HS6ST3: variants seen among roughly 807,000 people sequenced by gnomAD.
The protein encoded by HS6ST3 is heparan sulfate 6-O-sulfotransferase 3, also known as heparan-sulfate 6-O-sulfotransferase 3.
HS6ST3 carries 12 observed loss-of-function variants against 36.7 expected under a neutral mutation model. That is an observed-to-expected ratio of 0.33 (90% confidence interval 0.21 to 0.53). The LOEUF is 0.53. Ranked by LOEUF, HS6ST3 falls within the 20% of genes least tolerant of loss-of-function variation. The pLI, the probability that HS6ST3 is intolerant of heterozygous loss-of-function variation, is 0.95. For synonymous variants in HS6ST3, 240 were observed against 257.5 expected (o/e 0.93, Z 0.65); for missense variants, 584 against 640.9 (o/e 0.91, Z 0.96).
At chr13:96,203,632 C>T (rs1477361393) in intron 1 of HS6ST3, among the ~76,000 whole-genome samples, 1 of 152,216 alleles carries the variant, frequency 6.6e-6, no homozygotes, top group Non-Finnish European at 1.5e-5. Context: ...TACTTGGACT[C>T]CTTTCTGTGA....
chr13:96,333,122 G>A (rs569056767), intron 1 of HS6ST3, among the ~76,000 whole-genome samples: 33 of 152,304 alleles, frequency 2.2e-4, no homozygotes, highest in African/African-American at 7.0e-4. Flanking sequence ...ATAGCAGTGC[G>A]AATGGACCAA....
chr13:96,374,201 AT>A (rs529507335), intron 1 of HS6ST3, among the ~76,000 whole-genome samples: 1 of 152,202 alleles, frequency 6.6e-6, no homozygotes, highest in East Asian at 1.9e-4. Context: ...TTTTGTTTTT[AT>A]TGATTTATCA....
At chr13:96,631,917 G>A (rs1392831583) in intron 1 of HS6ST3, among the ~76,000 whole-genome samples, 1 of 152,178 alleles carries the variant, frequency 6.6e-6, no homozygotes, top group Non-Finnish European at 1.5e-5. Context: ...TGTCAAGCCT[G>A]ATGCAGATGT....
At chr13:96,410,611 A>T (rs2055502748) in intron 1 of HS6ST3, among the ~76,000 whole-genome samples, 1 of 152,210 alleles carries the variant, frequency 6.6e-6, no homozygotes, top group Admixed American at 6.5e-5. Flanking sequence ...TAGTATAAAA[A>T]TATGGTTTGT....
chr13:96,518,133 G>T (rs1375812157), intron 1 of HS6ST3, among the ~76,000 whole-genome samples: 1 of 152,100 alleles, frequency 6.6e-6, no homozygotes, highest in Non-Finnish European at 1.5e-5. Context: ...TTTCTTAAAG[G>T]CACTCTTTTC....
At chr13:96,150,048 T>C (rs1361829823) in intron 1 of HS6ST3, among the ~76,000 whole-genome samples, 1 of 152,158 alleles carries the variant, frequency 6.6e-6, no homozygotes, top group Non-Finnish European at 1.5e-5. Context: ...ATGCCTGTTT[T>C]GTTCCTGCCA....
intron 1 of HS6ST3, among the ~76,000 whole-genome samples, chr13:96,305,947 C>G (rs2054910762): frequency 7.0e-6 from 1 of 143,400 alleles, no homozygotes; most frequent in African/African-American, 2.6e-5. Context: ...TTTTTTTAGA[C>G]AGGATCTCAC....
chr13:96,728,031 CT>C (rs773964437), intron 1 of HS6ST3, among the ~76,000 whole-genome samples: 11 of 152,244 alleles, frequency 7.2e-5, no homozygotes, highest in Non-Finnish European at 1.3e-4. Context: ...TCTCTCTTTT[CT>C]TATCTATCTA....
At chr13:96,663,296 C>G (rs114598625) in intron 1 of HS6ST3, among the ~76,000 whole-genome samples, 272 of 152,278 alleles carry the variant, frequency 1.8e-3, no homozygotes, top group African/African-American at 6.4e-3. Flanking sequence ...CCACAATGTA[C>G]CTGAGAGCTG....
At chr13:96,117,618 GGAAATGCTGCA>G (rs1754564989) in intron 1 of HS6ST3, among the ~76,000 whole-genome samples, 1 of 152,166 alleles carries the variant, frequency 6.6e-6, no homozygotes, top group African/African-American at 2.4e-5. Context: ...TGCAGCACAT[GGAAATGCTGCA>G]GAAATGCCAA....
chr13:96,822,204 A>G (rs1487078484), intron 1 of HS6ST3, among the ~76,000 whole-genome samples: 1 of 152,194 alleles, frequency 6.6e-6, no homozygotes, highest in Non-Finnish European at 1.5e-5. Context: ...TCTCACTCCA[A>G]GGCGGCTCCA....
chr13:96,129,229 C>G (rs1000589034), intron 1 of HS6ST3, among the ~76,000 whole-genome samples: 1 of 152,182 alleles, frequency 6.6e-6, no homozygotes, highest in Non-Finnish European at 1.5e-5. Flanking sequence ...GTTTCTTAAA[C>G]ATGAAAATGT....
At chr13:96,267,851 T>G (rs561644618) in intron 1 of HS6ST3, among the ~76,000 whole-genome samples, 1 of 151,862 alleles carries the variant, frequency 6.6e-6, no homozygotes, top group Non-Finnish European at 1.5e-5. Flanking sequence ...TTGGTTACCA[T>G]TGGGCTTATC....
In HS6ST3 at chr13:96,448,037, A is replaced by G. The variant is rs557679886; in HGVS notation, c.707+356468A>G. Among the ~76,000 whole-genome samples the G allele has an allele frequency of 2.0e-5, 3 of 152,260 alleles. No individual in the cohort carries two copies. The East Asian group carries it at 5.8e-4, about 29-fold the overall frequency. On this transcript the variant is annotated intron_variant, in intron 1 of 1. Coordinates refer to ENST00000376705, the MANE Select transcript of HS6ST3 (RefSeq NM_153456.4). ...ATGGTGCTCTTCTTCCTAATCATAG[A>G]GCCAACTTTTATCATCATGGAGGCT...
At chr13:96,119,121 A>C (rs1273320758) in intron 1 of HS6ST3, among the ~76,000 whole-genome samples, 5 of 152,218 alleles carry the variant, frequency 3.3e-5, no homozygotes, top group Admixed American at 2.0e-4. Flanking sequence ...AAGCCTAACA[A>C]ATCAACTTAA....
chr13:96,825,403 A>AACAGAAAAGAGGAAAAAGTAGCT (rs1363820097), intron 1 of HS6ST3, among the ~76,000 whole-genome samples: 5 of 152,166 alleles, frequency 3.3e-5, no homozygotes, highest in Admixed American at 2.6e-4. Context: ...GAAGGAAAGA[A>AACAGAAAAGAGGAAAAAGTAGCT]AGAAACAGAA....
intron 1 of HS6ST3, among the ~76,000 whole-genome samples, chr13:96,761,883 C>T (rs1299560091): frequency 1.3e-5 from 2 of 152,000 alleles, no homozygotes; most frequent in Non-Finnish European, 2.9e-5. Context: ...ACAGTGTTTG[C>T]ACAGTGCTCT....
rs141779600 is a variant in HS6ST3, at chr13:96,626,934, G to C, written c.708-205556G>C. Among the ~76,000 whole-genome samples, 850 of 151,966 alleles carry C rather than the reference G, an allele frequency of 5.6e-3. 5 individuals carry two copies. The highest frequency in any genetic ancestry group is 8.9e-3 in the Non-Finnish European group (601 of 67,898). ...CAGTTTTGCTGAAATCTCATACATT[G>C]TAACACTTTATCAGTAACTTTGTTT... On this transcript the variant is annotated intron_variant, in intron 1 of 1. Transcript: ENST00000376705.
intron 1 of HS6ST3, among the ~76,000 whole-genome samples, chr13:96,720,080 C>T (rs1006072476): frequency 7.2e-5 from 11 of 152,164 alleles, no homozygotes; most frequent in Admixed American, 3.9e-4. Context: ...CTCCTCCTCT[C>T]TCTTGCCTTC....
Sources: allele counts gnomAD v4.1 joint callset (sites outside exome capture counted in the v4.1 genomes callset), GRCh38; gene constraint gnomAD v4.1.1; transcripts MANE v1.5; gene names NCBI Gene and HGNC (gene_info 2026-07-23, HGNC 2026-07-21).